IL9R: variants seen among roughly 807,000 people sequenced by gnomAD.
IL9R encodes the protein interleukin-9 receptor.
A neutral mutation model predicts 56.3 loss-of-function variants in IL9R; 54 were observed. The ratio of observed to expected loss-of-function variants is 0.96; its 90% confidence interval spans 0.77 to 1.20. The LOEUF is 1.20. Ranked by LOEUF, IL9R falls within the 50% of genes most tolerant of loss-of-function variation. IL9R has a pLI of 0.00. For missense variants in IL9R, 545 were observed against 629.8 expected, an observed-to-expected ratio of 0.87 and a Z score of 1.44; for synonymous variants, 212 against 250.2, an observed-to-expected ratio of 0.85 and a Z score of 1.44.
intron 7 of IL9R, 54 bp downstream of exon 7, chrX:156,006,242 A>C (rs2067941997): frequency 1.4e-6 from 1 of 731,956 alleles, no homozygotes; most frequent in African/African-American, 1.8e-5. Context: ...AAGAGTGTGC[A>C]TGTTAGTGTA....
chrX:156,006,306 C>T lies in IL9R; in HGVS notation c.887+118C>T, dbSNP rs748821556. ...TGTGAGTGTGTGGTGGGTGGGCCAT[C>T]AAGGGCCGCCCTTGTCTGGTTCCTC... On this transcript the variant is annotated intron_variant, in intron 7 of 8. Coordinates refer to ENST00000244174, the MANE Select transcript of IL9R (RefSeq NM_002186.3). The T allele has an allele frequency of 7.4e-5, 49 of 659,588 alleles. No individual in the cohort carries two copies. The South Asian group carries it at 8.4e-4, about 11-fold the overall frequency. The allele number at this position is 659,588 out of a possible 1,614,324, so 40.9% of individuals were successfully genotyped here. A position where few individuals can be genotyped will look rare whatever the true frequency, so the allele number is the denominator to read the frequency against.
At chrX:156,000,145 A>G in intron 1 of IL9R, among the ~76,000 whole-genome samples, 1 of 144,278 alleles carries the variant, frequency 6.9e-6, no homozygotes, top group African/African-American at 2.6e-5. Flanking sequence ...AAAAAAAAAA[A>G]ATATATATAT....
chrX:155,998,353 G>T (rs2124478046), intron 1 of IL9R, among the ~76,000 whole-genome samples: 1 of 151,972 alleles, frequency 6.6e-6, no homozygotes, highest in East Asian at 1.9e-4. Context: ...CAGAGGAAGG[G>T]GAGGAGAGGG....
intron 2 of IL9R, among the ~76,000 whole-genome samples, 186 bp downstream of exon 2, chrX:156,003,205 C>T (rs966391676): frequency 2.0e-5 from 3 of 152,086 alleles, no homozygotes; most frequent in Admixed American, 6.6e-5. Context: ...TACCTTCATT[C>T]CCTGGACCGA....
intron 1 of IL9R, among the ~76,000 whole-genome samples, chrX:155,999,012 C>G (rs947906732): frequency 6.6e-6 from 1 of 152,094 alleles, no homozygotes; most frequent in African/African-American, 2.4e-5. Context: ...GGCCACTGCT[C>G]AACCCTTGGG....
In IL9R at chrX:156,006,314, G is replaced by C; in HGVS notation, c.887+126G>C. The C allele has an allele frequency of 7.8e-6, 5 of 644,168 alleles. No homozygotes were observed. The South Asian group carries it at 9.1e-5, about 12-fold the overall frequency. The allele number at this position is 644,168 out of a possible 1,614,324, so 39.9% of individuals were successfully genotyped here. On this transcript the variant is annotated intron_variant, in intron 7 of 8. Transcript: ENST00000244174. ...TGTGGTGGGTGGGCCATCAAGGGCCGCCCTTGTCTGGTTCCTCCCCTCCCC... is the reference window on the plus strand; with the variant it reads ...TGTGGTGGGTGGGCCATCAAGGGCCCCCCTTGTCTGGTTCCTCCCCTCCCC...
Position 156,002,915 on chromosome X carries a change from T to G in IL9R, c.38T>G (p.Leu13Trp). 1 of 1,613,782 alleles carries G rather than the reference T, an allele frequency of 6.2e-7. No individual in the cohort carries two copies. The highest frequency in any genetic ancestry group is 2.2e-5 in the East Asian group (1 of 44,850). The change falls in exon 2 of 9, where the codon TTG (leucine) becomes TGG (tryptophan). Residue 13 changes from leucine to tryptophan, a missense_variant. Physicochemically the swap from Leu to Trp is moderately conservative, Grantham distance 61. Around this residue, in one of 2 missense-constraint regions of IL9R, gnomAD observed 431 missense variants for 360.0 expected, o/e 1.20. Transcript: ENST00000244174. ...GCCCAGTCCCTTGCAGGCTGGACCT[T>G]GGAGAGTGAGGCCCTGAGGCGAGAC... ...LGRCIWEGWT[L>W]ESEALRRDMG...
chrX:156,006,305 T>C, intron 7 of IL9R, 117 bp downstream of exon 7: 1 of 663,128 alleles, frequency 1.5e-6, no homozygotes, highest in Non-Finnish European at 2.6e-6. Flanking sequence ...GGGTGGGCCA[T>C]CAAGGGCCGC....
In IL9R at chrX:156,009,833, C is replaced by G. The variant is rs769779923; in HGVS notation, c.990C>G (p.His330Gln). The change falls in exon 9 of 9, where the codon CAC (histidine) becomes CAG (glutamine). Residue 330 changes from histidine to glutamine, a missense_variant. Around this residue, in one of 2 missense-constraint regions of IL9R, gnomAD observed 114 missense variants for 269.8 expected, o/e 0.42. Coordinates refer to ENST00000244174, the MANE Select transcript of IL9R (RefSeq NM_002186.3). ...TGTTCCAGACTTGGATGGGGGCCCACGGGGCCGGTGTGCTGTTGAGCCAGG... is the reference window on the plus strand; with the variant it reads ...TGTTCCAGACTTGGATGGGGGCCCAGGGGGCCGGTGTGCTGTTGAGCCAGG... ...NGNFQTWMGA[H>Q]GAGVLLSQDC... 36 of 1,437,660 alleles carry G rather than the reference C, an allele frequency of 2.5e-5. 10 individuals are homozygous for G. The highest frequency in any genetic ancestry group is 7.5e-5 in the African/African-American group (4 of 52,994). The allele number at this position is 1,437,660 out of a possible 1,614,324, so 89.1% of individuals were successfully genotyped here.
intron 1 of IL9R, among the ~76,000 whole-genome samples, chrX:155,999,147 G>A (rs777781820): frequency 6.6e-6 from 1 of 152,202 alleles, no homozygotes; most frequent in East Asian, 1.9e-4. Context: ...CCTGTGATGG[G>A]GAGGGAAGAT....
At chrX:155,997,884 C>A in intron 1 of IL9R, 97 bp downstream of exon 1, 1 of 1,182,490 alleles carries the variant, frequency 8.5e-7, no homozygotes, top group Non-Finnish European at 1.3e-6. Context: ...GCCCAGGGAG[C>A]CACTGTGGCA....
chrX:156,009,284 GTGTGTGTGTGTTTA>G (rs2068303525), intron 8 of IL9R, among the ~76,000 whole-genome samples: 42 of 51,720 alleles, frequency 8.1e-4, no homozygotes, highest in African/African-American at 4.6e-3. Flanking sequence ...GTATGTCTGT[GTGTGTGTGTGTTTA>G]TGTGTGTGTG....
chrX:156,007,595 TG>T lies in IL9R; in HGVS notation c.963del (p.Asn322ThrfsTer15). On this transcript the variant is annotated frameshift_variant, in exon 8 of 9. Transcript: ENST00000244174. LOFTEE classifies it high-confidence loss of function. ...FFQPLYSVHN[G>X]NFQTWMGAHG... ...TCCAGCCCCTCTACAGTGTACACAATGGGAACTTCCAGGTGTGTGCAGAGAC... is the reference window on the plus strand; with the variant it reads ...TCCAGCCCCTCTACAGTGTACACAATGGAACTTCCAGGTGTGTGCAGAGAC... 1 of 1,391,220 alleles carries T rather than the reference TG, an allele frequency of 7.2e-7. No homozygotes were observed. Among genetic ancestry groups the T allele is most frequent in the Non-Finnish European group, 9.6e-7 (1 of 1,045,334 alleles). The allele number at this position is 1,391,220 out of a possible 1,614,324, so 86.2% of individuals were successfully genotyped here.
intron 2 of IL9R, 37 bp from the exon 3 acceptor site, chrX:156,003,412 G>C: frequency 6.9e-7 from 1 of 1,452,590 alleles, no homozygotes; most frequent in Non-Finnish European, 9.7e-7. Context: ...CTGGCCTGAA[G>C]TACTTACCGT....
chrX:156,010,627 A>G lies in IL9R; in HGVS notation c.*218A>G. On this transcript the variant is annotated 3_prime_UTR_variant, in exon 9 of 9. Transcript: ENST00000244174. ...ATCCTGGCCACAAGTTCTTCCTTCC[A>G]TTGTCCCTTTTCTTTATCCCTGACC... is the stretch of plus-strand genomic sequence containing the variant. 1.4e-5 allele frequency: 2 copies of G among 138,536 alleles called. No homozygotes were observed. The highest frequency in any genetic ancestry group is 2.1e-5 in the Non-Finnish European group (2 of 95,418). 8.6% of individuals were successfully genotyped at this position (138,536 alleles called of 1,614,324 possible).
intron 8 of IL9R, among the ~76,000 whole-genome samples, chrX:156,008,603 G>C (rs1203984213): frequency 6.6e-6 from 1 of 152,162 alleles, no homozygotes; most frequent in Non-Finnish European, 1.5e-5. Context: ...GGCACCAGCT[G>C]TTCCCTAGAG....
At chrX:156,005,551 C>G (rs2067872443) in intron 6 of IL9R, 72 bp downstream of exon 6, 1 of 1,300,016 alleles carries the variant, frequency 7.7e-7, no homozygotes, top group Non-Finnish European at 1.1e-6. Context: ...TTCACCTCAG[C>G]CCTGCACCCT....
chrX:156,005,306 G>A lies in IL9R; in HGVS notation c.608G>A (p.Gly203Glu). ...GCCCAGCACAGGGATCACATTGTCG[G>A]GGTGACCTGGCTTATACTTGAAGCC... ...EQAQHRDHIV[G>E]VTWLILEAFE... Residue 203 changes from glycine (G) to glutamate (E), a missense_variant, in exon 6 of 9, where the codon GGG becomes GAG. Transcript: ENST00000244174. 1 of 1,612,080 alleles carries A rather than the reference G, an allele frequency of 6.2e-7. No individual in the cohort carries two copies. Among genetic ancestry groups the A allele is most frequent in the East Asian group, 2.2e-5 (1 of 44,884 alleles).
Position 156,004,758 on chromosome X carries a change from A to T in IL9R, c.579+193A>T, listed in dbSNP as rs746051446. Among the ~76,000 whole-genome samples the T allele has an allele frequency of 5.0e-4, 76 of 152,040 alleles. 3 individuals carry two copies. In the South Asian group the frequency reaches 0.014, roughly 29 times the overall value. The stretch of plus-strand genomic sequence containing the variant: ...TATGTGTGTGTATGGGAGTAGGGTG[A>T]GTGCGCCTGTGTCTCTGTGTGTGCA... On this transcript the variant is annotated intron_variant, in intron 5 of 8. Coordinates refer to ENST00000244174, the MANE Select transcript of IL9R (RefSeq NM_002186.3).
Sources: gnomAD v4.1 joint callset for allele counts (sites outside exome capture counted in the v4.1 genomes callset) on GRCh38, gnomAD v4.1.1 for gene constraint, gnomAD v4.1.1 regional missense constraint, MANE v1.5 for transcripts, NCBI Gene and HGNC (gene_info 2026-07-23, HGNC 2026-07-21) for gene names.